The following ANO6 variants were observed in gnomAD, a reference collection of about 807,000 sequenced individuals.
The protein encoded by ANO6 is anoctamin 6, also known as anoctamin-6.
In ANO6, 106 loss-of-function variants were observed where a neutral mutation model predicts 117.5. The ratio of observed to expected loss-of-function variants is 0.90; its 90% CI spans 0.77 to 1.06. The LOEUF is 1.06. Among genes scored for constraint, ANO6 ranks in the 50% least tolerant of loss-of-function variants. The pLI, the probability that ANO6 is intolerant of heterozygous loss-of-function variation, is 0.00. For synonymous variants in ANO6, 367 were observed against 385.1 expected (o/e 0.95, Z 0.55); for missense variants, 955 against 1,121.1 (o/e 0.85, Z 2.12).
At chr12:45,426,471 C>T (rs1943505582) in intron 19 of ANO6, among the ~76,000 whole-genome samples, 1 of 152,134 alleles carries the variant, frequency 6.6e-6, no homozygotes, top group Non-Finnish European at 1.5e-5. Context: ...TACATGCTGT[C>T]CTCGATTCCT....
chr12:45,414,597 A>G (rs1943167571), intron 16 of ANO6, among the ~76,000 whole-genome samples: 1 of 152,176 alleles, frequency 6.6e-6, no homozygotes. Context: ...TTCATATACT[A>G]GTTCTAAACT....
At chr12:45,311,432 A>G (rs1465375439) in intron 2 of ANO6, among the ~76,000 whole-genome samples, 1 of 152,084 alleles carries the variant, frequency 6.6e-6, no homozygotes, top group Non-Finnish European at 1.5e-5. Flanking sequence ...AATAAAGGAA[A>G]TACTAGGCTT....
At chr12:45,317,521 T>C (rs897310343) in intron 2 of ANO6, among the ~76,000 whole-genome samples, 4 of 151,884 alleles carry the variant, frequency 2.6e-5, no homozygotes, top group Non-Finnish European at 5.9e-5. Flanking sequence ...CAGTCTATCA[T>C]TGTTGGACAT....
At chr12:45,352,284 C>A (rs776583659) in intron 7 of ANO6, among the ~76,000 whole-genome samples, 2 of 152,100 alleles carry the variant, frequency 1.3e-5, no homozygotes, top group African/African-American at 4.8e-5. Flanking sequence ...AAATTATAAA[C>A]TCATAGCTAA....
intron 8 of ANO6, among the ~76,000 whole-genome samples, chr12:45,357,913 C>G (rs1239052211): frequency 2.6e-5 from 4 of 152,096 alleles, no homozygotes; most frequent in Admixed American, 2.6e-4. Context: ...TTGGTTTTTA[C>G]ATTAAAAAAT....
At chr12:45,361,419 T>C (rs1035675999) in intron 8 of ANO6, among the ~76,000 whole-genome samples, 6 of 152,166 alleles carry the variant, frequency 3.9e-5, no homozygotes, top group African/African-American at 1.4e-4. Context: ...AACTGGCTTA[T>C]TTGCTCTAAT....
chr12:45,325,611 A>G (rs895658167), intron 2 of ANO6, among the ~76,000 whole-genome samples: 21 of 152,164 alleles, frequency 1.4e-4, no homozygotes, highest in African/African-American at 4.8e-4. Flanking sequence ...CAAATGGATG[A>G]TGATGTCTTC....
intron 2 of ANO6, among the ~76,000 whole-genome samples, chr12:45,316,346 A>G (rs1318079983): frequency 6.6e-6 from 1 of 152,108 alleles, no homozygotes; most frequent in Non-Finnish European, 1.5e-5. Context: ...AAGGAGAAGT[A>G]TAAGGTGTGC....
intron 7 of ANO6, among the ~76,000 whole-genome samples, chr12:45,354,146 G>T (rs1020369984): frequency 6.6e-6 from 1 of 152,092 alleles, no homozygotes. Context: ...TGAGTACCCA[G>T]CCTAGAGGAT....
chr12:45,284,092 T>A, intron 1 of ANO6, among the ~76,000 whole-genome samples: 1 of 152,214 alleles, frequency 6.6e-6, no homozygotes, highest in East Asian at 1.9e-4. Context: ...CAGGGGAAAT[T>A]GTCCATTTTT....
intron 1 of ANO6, among the ~76,000 whole-genome samples, chr12:45,288,163 G>A (rs1440025794): frequency 6.6e-6 from 1 of 152,112 alleles, no homozygotes; most frequent in Non-Finnish European, 1.5e-5. Context: ...CTACTGCCTG[G>A]TACAGCCTAG....
chr12:45,379,758 T>C (rs183614776), intron 10 of ANO6, among the ~76,000 whole-genome samples: 15 of 152,342 alleles, frequency 9.8e-5, no homozygotes, highest in Admixed American at 9.8e-4. Context: ...TAACCTTCCT[T>C]TCTCTGATCA....
chr12:45,260,148 T>C (rs1356937981), intron 1 of ANO6, among the ~76,000 whole-genome samples: 1 of 152,204 alleles, frequency 6.6e-6, no homozygotes, highest in East Asian at 1.9e-4. Context: ...AGCGCTGGGC[T>C]CAGTACATGT....
At position 45,397,914 on chromosome 12, in the gene ANO6, A is replaced by G. The variant is rs528993748; in HGVS notation, c.1387-3881A>G. ...GAGTTGATGGGTGCAGCAAACCAAC[A>G]TGGCACGTGTATACCTATGTGTCAA... On this transcript the variant is annotated intron_variant, in intron 12 of 19. Coordinates refer to ENST00000320560, the MANE Select transcript of ANO6 (RefSeq NM_001025356.3). 2.1e-4 allele frequency among the ~76,000 whole-genome samples: 32 copies of G among 152,250 alleles called. No individual in the cohort carries two copies. In the East Asian group the frequency reaches 6.0e-3, roughly 29 times the overall value.
At chr12:45,377,958 A>T in intron 9 of ANO6, 95 bp from the exon 10 acceptor site, 1 of 1,207,036 alleles carries the variant, frequency 8.3e-7, no homozygotes, top group Non-Finnish European at 1.2e-6. Flanking sequence ...TTTGAAAAGA[A>T]CTTCAAGACT....
chr12:45,330,409 T>G (rs1166346312), intron 2 of ANO6, among the ~76,000 whole-genome samples: 1 of 152,048 alleles, frequency 6.6e-6, no homozygotes, highest in Non-Finnish European at 1.5e-5. Context: ...ATCTTATCAG[T>G]TTTTAATGAA....
rs773310513 is a variant in ANO6, at chr12:45,367,782, G to A, written c.1093G>A (p.Glu365Lys). The A allele has an allele frequency of 2.7e-5, 44 of 1,612,990 alleles. No individual in the cohort carries two copies. Among genetic ancestry groups the A allele is most frequent in the East Asian group, 8.9e-5 (4 of 44,786 alleles). Residue 365 changes from glutamate to lysine, a missense_variant, in exon 9 of 20, where the codon GAG becomes AAG. Transcript: ENST00000320560. ...CPFWKLNITCESSKKLCIFDS... is the reference protein window; with the variant it reads ...CPFWKLNITCKSSKKLCIFDS... The stretch of plus-strand genomic sequence containing the variant: ...ATTCTGGAAACTCAATATTACTTGC[G>A]AGTCCTCAAAGGTAATTTTTGCTAT...
At chr12:45,436,577 T>A (rs1226907383), downstream of ANO6, among the ~76,000 whole-genome samples, 1 of 152,194 alleles carries the variant, frequency 6.6e-6, no homozygotes, top group Admixed American at 6.5e-5. Flanking sequence ...AATGTTTCAA[T>A]GATTAAAGGA....
At chr12:45,282,590 G>A (rs1938776383) in intron 1 of ANO6, among the ~76,000 whole-genome samples, 1 of 152,184 alleles carries the variant, frequency 6.6e-6, no homozygotes, top group Non-Finnish European at 1.5e-5. Context: ...GGACCTTAGA[G>A]CCGGCTGGTG....
Sources: gnomAD v4.1 joint callset for allele counts (sites outside exome capture counted in the v4.1 genomes callset) on GRCh38, gnomAD v4.1.1 for gene constraint, MANE v1.5 for transcripts, NCBI Gene and HGNC (gene_info 2026-07-23, HGNC 2026-07-21) for gene names.